Variants in HYCC1 observed in about 807,000 individuals in gnomAD.
The protein encoded by HYCC1 is hyccin PI4KA lipid kinase complex subunit 1.
At chr7:22,965,326 T>G in the HYCC1 span, among the ~76,000 whole-genome samples, 3 of 151,802 alleles carry the variant, frequency 2.0e-5, no homozygotes, top group Admixed American at 6.6e-5. Context: ...TAACCGTTAA[T>G]GTTTAAAAAC....
the HYCC1 span, among the ~76,000 whole-genome samples, chr7:22,981,843 C>T: frequency 3.1e-3 from 470 of 152,238 alleles, 3 homozygotes; most frequent in African/African-American, 0.01. Context: ...TCATGTATTT[C>T]AGATACACAT....
the HYCC1 span, chr7:22,937,094 G>C: frequency 6.6e-6 from 1 of 152,290 alleles, no homozygotes; most frequent in East Asian, 1.9e-4. Context: ...AAAAAGTGGT[G>C]ATGCTCTTCC....
At chr7:22,954,911 T>C in the HYCC1 span, among the ~76,000 whole-genome samples, 1 of 151,552 alleles carries the variant, frequency 6.6e-6, no homozygotes, top group South Asian at 2.1e-4. Context: ...CCTTTTATTA[T>C]TGATACCTAC....
At chr7:22,978,235 A>C in the HYCC1 span, 1 of 1,603,042 alleles carries the variant, frequency 6.2e-7, no homozygotes, top group Non-Finnish European at 8.5e-7. Flanking sequence ...TGATTTTGTC[A>C]AAAAAGATTT....
chr7:22,941,466 G>GA, the HYCC1 span: 1 of 151,970 alleles, frequency 6.6e-6, no homozygotes, highest in Non-Finnish European at 1.5e-5. Flanking sequence ...AATACAATTA[G>GA]AAACAAATAT....
At chr7:22,947,857 T>C in the HYCC1 span, among the ~76,000 whole-genome samples, 1 of 152,136 alleles carries the variant, frequency 6.6e-6, no homozygotes, top group African/African-American at 2.4e-5. Flanking sequence ...GTCTCACATA[T>C]ACATCATCTA....
chr7:22,981,410 G>T, the HYCC1 span, among the ~76,000 whole-genome samples: 1 of 152,102 alleles, frequency 6.6e-6, no homozygotes, highest in African/African-American at 2.4e-5. Context: ...CAACTTGTTA[G>T]GAATATTTTC....
At chr7:22,977,608 C>T in the HYCC1 span, among the ~76,000 whole-genome samples, 1 of 152,076 alleles carries the variant, frequency 6.6e-6, no homozygotes, top group Non-Finnish European at 1.5e-5. Context: ...GTACATCCTT[C>T]CACTTAAAAA....
At chr7:22,900,666 G>C in the HYCC1 span, among the ~76,000 whole-genome samples, 2 of 151,916 alleles carry the variant, frequency 1.3e-5, no homozygotes, top group Middle Eastern at 3.2e-3. Flanking sequence ...TGGAATACTA[G>C]GAAAATTGTT....
At chr7:22,984,156 A>T in the HYCC1 span, 1 of 681,528 alleles carries the variant, frequency 1.5e-6, no homozygotes, top group Admixed American at 2.3e-5. Flanking sequence ...TGGGAGAAGA[A>T]GATTAGGAGT....
chr7:22,982,634 T>C, the HYCC1 span, among the ~76,000 whole-genome samples: 62 of 152,140 alleles, frequency 4.1e-4, no homozygotes, highest in Non-Finnish European at 7.9e-4. Flanking sequence ...CATACCTCTT[T>C]CCACTCCTCC....
the HYCC1 span, among the ~76,000 whole-genome samples, chr7:22,989,992 A>G: frequency 6.6e-6 from 1 of 152,354 alleles, no homozygotes; most frequent in Middle Eastern, 3.4e-3. Flanking sequence ...ATGTATCAGT[A>G]AGAACAAAAC....
chr7:22,945,945 G>T, the HYCC1 span: 1 of 1,613,756 alleles, frequency 6.2e-7, no homozygotes, highest in Non-Finnish European at 8.5e-7. Context: ...CGAGCAAAGT[G>T]ATCTTTGCAA....
the HYCC1 span, among the ~76,000 whole-genome samples, chr7:22,903,272 G>A: frequency 6.6e-6 from 1 of 150,594 alleles, no homozygotes; most frequent in South Asian, 2.2e-4. Context: ...GTACACAAAT[G>A]TTCATAACAG....
the HYCC1 span, among the ~76,000 whole-genome samples, chr7:22,961,082 C>CT: frequency 6.6e-6 from 1 of 152,122 alleles, no homozygotes; most frequent in Admixed American, 6.5e-5. Context: ...TTATTTGTTA[C>CT]TTTTCTAAGT....
the HYCC1 span, among the ~76,000 whole-genome samples, chr7:22,996,592 A>G: frequency 2.0e-5 from 2 of 102,322 alleles, no homozygotes; most frequent in Admixed American, 2.5e-4. Context: ...GTACAGTACA[A>G]TTGTTAAAAA....
chr7:22,967,619 T>C, the HYCC1 span, among the ~76,000 whole-genome samples: 1 of 152,142 alleles, frequency 6.6e-6, no homozygotes, highest in Admixed American at 6.5e-5. Context: ...TCTGGCTATA[T>C]TGGAAGAGTT....
the HYCC1 span, among the ~76,000 whole-genome samples, chr7:22,997,443 TC>T: frequency 1.3e-5 from 2 of 152,138 alleles, no homozygotes; most frequent in African/African-American, 4.8e-5. Flanking sequence ...TTGTGACACA[TC>T]ACGAAATTTT....
At chr7:22,941,635 T>TA in the HYCC1 span, 1 of 152,098 alleles carries the variant, frequency 6.6e-6, no homozygotes, top group Admixed American at 6.6e-5. Flanking sequence ...AACTCTACTA[T>TA]AAAAAAACAC....
Sources: allele counts gnomAD v4.1 joint callset (sites outside exome capture counted in the v4.1 genomes callset), GRCh38; gene constraint gnomAD v4.1.1; transcripts MANE v1.5; gene names NCBI Gene and HGNC (gene_info 2026-07-23, HGNC 2026-07-21).